Variants in ROR1 observed in about 807,000 individuals in gnomAD.
ROR1 encodes ROR family WNT receptor 1.
ROR1 carries 19 observed loss-of-function variants against 78.8 expected under a neutral mutation model. That is an observed-to-expected ratio of 0.24 (90% CI 0.17 to 0.35). ROR1 has a LOEUF of 0.35. Ranked by LOEUF, ROR1 falls within the 10% of genes least tolerant of loss-of-function variation. The pLI, the probability that ROR1 is intolerant of heterozygous loss-of-function variation, is 1.00. For synonymous variants in ROR1, 386 were observed against 433.6 expected (o/e 0.89, Z 1.36); for missense variants, 917 against 1,177.8 (o/e 0.78, Z 3.24).
chr1:64,044,566 A>G (rs1646769717), intron 2 of ROR1, among the ~76,000 whole-genome samples: 1 of 152,178 alleles, frequency 6.6e-6, no homozygotes, highest in South Asian at 2.1e-4. Context: ...ACCCTTGAAT[A>G]CATAGATTTT....
intron 1 of ROR1, among the ~76,000 whole-genome samples, chr1:63,989,088 C>T (rs943329395): frequency 6.6e-6 from 1 of 151,168 alleles, no homozygotes; most frequent in Admixed American, 6.6e-5. Context: ...AGTGGCTGTA[C>T]CATTTTACAT....
At chr1:64,141,827 T>C (rs190249901) in intron 6 of ROR1, among the ~76,000 whole-genome samples, 67 of 152,288 alleles carry the variant, frequency 4.4e-4, no homozygotes, top group African/African-American at 1.5e-3. Context: ...TCAGTTCGAC[T>C]GTGTAGATTC....
At chr1:63,812,117 C>T (rs1173161198) in intron 1 of ROR1, among the ~76,000 whole-genome samples, 3 of 152,190 alleles carry the variant, frequency 2.0e-5, no homozygotes, top group East Asian at 3.9e-4. Context: ...TGTGCCGCCA[C>T]GCCTGGCTAA....
intron 4 of ROR1, among the ~76,000 whole-genome samples, chr1:64,062,190 G>A (rs1485877680): frequency 1.3e-5 from 2 of 152,174 alleles, no homozygotes; most frequent in Non-Finnish European, 2.9e-5. Context: ...CTAGGCTCCT[G>A]CTATGTTGGG....
intron 1 of ROR1, among the ~76,000 whole-genome samples, chr1:63,895,757 T>A (rs540930382): frequency 6.6e-6 from 1 of 152,192 alleles, no homozygotes; most frequent in African/African-American, 2.4e-5. Flanking sequence ...TAAATAGATA[T>A]GTTCTTTGAT....
chr1:64,141,165 T>G (rs922109957), intron 6 of ROR1, among the ~76,000 whole-genome samples: 4 of 152,132 alleles, frequency 2.6e-5, no homozygotes, highest in African/African-American at 9.7e-5. Context: ...TAATGGTACA[T>G]GTAATGGTAA....
At chr1:63,948,335 A>ATT (rs751698222) in intron 1 of ROR1, among the ~76,000 whole-genome samples, 14 of 142,752 alleles carry the variant, frequency 9.8e-5, no homozygotes, top group African/African-American at 1.5e-4. Context: ...TTGTGGTCCA[A>ATT]TTTTTTTTTT....
At chr1:63,928,297 G>C (rs1340558575) in intron 1 of ROR1, among the ~76,000 whole-genome samples, 5 of 152,128 alleles carry the variant, frequency 3.3e-5, no homozygotes, top group Admixed American at 1.3e-4. Flanking sequence ...AGTAACATTT[G>C]CAGCAGTCTG....
At chr1:63,893,682 T>A (rs10889453) in intron 1 of ROR1, among the ~76,000 whole-genome samples, 5,601 of 152,120 alleles carry the variant, frequency 0.037, 346 homozygotes, top group African/African-American at 0.13. Flanking sequence ...ACGAAGCAGC[T>A]GTCTTTTCAT....
intron 4 of ROR1, among the ~76,000 whole-genome samples, chr1:64,058,041 T>G (rs1646888785): frequency 6.6e-6 from 1 of 152,190 alleles, no homozygotes; most frequent in African/African-American, 2.4e-5. Flanking sequence ...TGTGCAAGTC[T>G]TGCTCTCTTT....
chr1:64,111,320 C>T (rs1299009535), intron 4 of ROR1: 1 of 152,184 alleles, frequency 6.6e-6, no homozygotes, highest in Non-Finnish European at 1.5e-5. Context: ...CTCGACAGCA[C>T]AGGAAATCTG....
intron 1 of ROR1, among the ~76,000 whole-genome samples, chr1:63,880,495 A>G (rs1645315165): frequency 1.3e-5 from 2 of 152,216 alleles, no homozygotes. Flanking sequence ...GTCATGCTGT[A>G]TGCAAGTACG....
intron 1 of ROR1, among the ~76,000 whole-genome samples, chr1:63,905,737 A>T (rs1388874790): frequency 6.6e-6 from 1 of 152,184 alleles, no homozygotes; most frequent in Non-Finnish European, 1.5e-5. Flanking sequence ...CCTTAGGAAG[A>T]AGAAGGTGCA....
At chr1:63,959,672 G>A (rs1466495081) in intron 1 of ROR1, among the ~76,000 whole-genome samples, 1 of 152,114 alleles carries the variant, frequency 6.6e-6, no homozygotes, top group Admixed American at 6.5e-5. Flanking sequence ...CACCATCTTT[G>A]CTGGGCACAG....
chr1:63,800,777 G>A (rs1462886859), intron 1 of ROR1, among the ~76,000 whole-genome samples: 1 of 152,174 alleles, frequency 6.6e-6, no homozygotes, highest in South Asian at 2.1e-4. Context: ...CTGCTCTGAT[G>A]AGAAAAATCT....
rs200292093 is a variant in ROR1, at chr1:64,121,059, C to CTTTTTT, written c.483-16276_483-16271dup. ...CCACACTCCAGTCAGGGAGATACCC[C>CTTTTTT]TTTTTTTTTTTTTTTTTTTTTTTTT... On this transcript the variant is annotated intron_variant, in intron 4 of 8. Coordinates refer to ENST00000371079, the MANE Select transcript of ROR1 (RefSeq NM_005012.4). Among the ~76,000 whole-genome samples, 62 of 82,024 alleles carry CTTTTTT rather than the reference C, an allele frequency of 7.6e-4. 2 individuals are homozygous for CTTTTTT. The highest frequency in any genetic ancestry group is 1.0e-3 in the Non-Finnish European group (47 of 45,150). 53.8% of individuals were successfully genotyped at this position (82,024 alleles called of 152,430 possible).
chr1:64,088,338 A>G (rs1444142564), intron 4 of ROR1, among the ~76,000 whole-genome samples: 1 of 152,182 alleles, frequency 6.6e-6, no homozygotes, highest in Non-Finnish European at 1.5e-5. Context: ...TGCCAACCAC[A>G]GTGCTTCACA....
At chr1:64,016,476 T>C (rs1322253431) in intron 2 of ROR1, among the ~76,000 whole-genome samples, 1 of 152,108 alleles carries the variant, frequency 6.6e-6, no homozygotes, top group African/African-American at 2.4e-5. Flanking sequence ...TAGCAGACAG[T>C]TTAAAATTAC....
intron 4 of ROR1, among the ~76,000 whole-genome samples, chr1:64,083,271 A>G (rs1200491356): frequency 6.6e-6 from 1 of 152,174 alleles, no homozygotes; most frequent in Non-Finnish European, 1.5e-5. Flanking sequence ...ACAGGTGATA[A>G]TCAGCGCAGA....
Sources: gnomAD v4.1 joint callset for allele counts (sites outside exome capture counted in the v4.1 genomes callset) on GRCh38, gnomAD v4.1.1 for gene constraint, MANE v1.5 for transcripts, NCBI Gene and HGNC (gene_info 2026-07-23, HGNC 2026-07-21) for gene names.